The following CIP2A variants were observed in gnomAD, a reference collection of about 807,000 sequenced individuals.
CIP2A encodes cellular inhibitor of PP2A.
CIP2A carries 103 observed loss-of-function variants against 110.9 expected under a neutral mutation model. The ratio of observed to expected loss-of-function variants is 0.93; its 90% CI spans 0.79 to 1.09. The LOEUF (loss-of-function observed/expected upper bound fraction) is 1.09, where lower values mean the gene tolerates loss of function less well. Ranked by LOEUF, CIP2A falls within the 50% of genes least tolerant of loss-of-function variation. CIP2A has a pLI of 0.00. For synonymous variants in CIP2A, 381 were observed against 361.6 expected (o/e 1.05, Z -0.61); for missense variants, 1,088 against 1,038.4 (o/e 1.05, Z -0.66).
At chr3:108,563,843 A>T (rs1938091530) in intron 12 of CIP2A, among the ~76,000 whole-genome samples, 1 of 151,980 alleles carries the variant, frequency 6.6e-6, no homozygotes, top group Non-Finnish European at 1.5e-5. Flanking sequence ...CTGGTTGGGC[A>T]TCCCTAATCC....
rs780420756 is a variant in CIP2A, at chr3:108,553,773, T to C, written c.2325-43A>G. ...AATAGAAGAAAACATTAATGAACCATATACCATTTGTAACTTTTTCTCCCT... is the reference window on the plus strand; with the variant it reads ...AATAGAAGAAAACATTAATGAACCACATACCATTTGTAACTTTTTCTCCCT... On this transcript the variant is annotated intron_variant, in intron 18 of 20. Transcript: ENST00000295746. 4 of 1,486,550 alleles carry C rather than the reference T, an allele frequency of 2.7e-6. No individual in the cohort carries two copies. The South Asian group carries it at 4.8e-5, about 18-fold the overall frequency. The allele number at this position is 1,486,550 out of a possible 1,614,324, so 92.1% of individuals were successfully genotyped here.
intron 8 of CIP2A, among the ~76,000 whole-genome samples, chr3:108,575,296 AC>A (rs1559698594): frequency 6.6e-6 from 1 of 151,124 alleles, no homozygotes; most frequent in African/African-American, 2.4e-5. Flanking sequence ...ACGTACACAC[AC>A]GTGTACGTAC....
Position 108,579,565 on chromosome 3 carries a change from C to A in CIP2A, c.672+1G>T. 1 of 1,581,774 alleles carries A rather than the reference C, an allele frequency of 6.3e-7. No homozygotes were observed. Among genetic ancestry groups the A allele is most frequent in the Non-Finnish European group, 8.6e-7 (1 of 1,163,346 alleles). On this transcript the variant is annotated splice_donor_variant, in intron 6 of 20. Transcript: ENST00000295746. LOFTEE classifies it high-confidence loss of function. ...GAATAAATTTGAAAAATTGTATTTA[C>A]CTTTTCCCCCACCTCTTCATTTAAT...
At chr3:108,582,053 T>C (rs1419144593) in intron 4 of CIP2A, 55 bp downstream of exon 4, 2 of 828,358 alleles carry the variant, frequency 2.4e-6, no homozygotes, top group East Asian at 5.3e-5. Context: ...CACATGGTTG[T>C]AATTTAAAAA....
chr3:108,573,820 G>C lies in CIP2A; in HGVS notation c.894+2451C>G, dbSNP rs1938478099. 4.6e-5 allele frequency among the ~76,000 whole-genome samples: 7 copies of C among 152,216 alleles called. No homozygotes were observed. In the South Asian group the frequency reaches 1.5e-3, roughly 32 times the overall value. On this transcript the variant is annotated intron_variant, in intron 8 of 20. Transcript: ENST00000295746. ...TTTAGATCATTGTTGCAAATGATTA[G>C]TTCAAAGTCATTCTAATTTTTTTCT...
At chr3:108,555,070 T>A (rs1366487891) in intron 17 of CIP2A, among the ~76,000 whole-genome samples, 1 of 152,188 alleles carries the variant, frequency 6.6e-6, no homozygotes, top group African/African-American at 2.4e-5. Flanking sequence ...CAATCTGAGT[T>A]TGAGTGCCTT....
At chr3:108,584,972 T>G in intron 2 of CIP2A, 93 bp downstream of exon 2, 2 of 1,194,678 alleles carry the variant, frequency 1.7e-6, no homozygotes, top group Non-Finnish European at 2.3e-6. Context: ...TGAAGGTGAA[T>G]CATTCTTTAA....
At chr3:108,583,337 A>G (rs559415825) in intron 2 of CIP2A, among the ~76,000 whole-genome samples, 1 of 152,326 alleles carries the variant, frequency 6.6e-6, no homozygotes, top group East Asian at 1.9e-4. Flanking sequence ...TTTTAGTATC[A>G]AATTAAAATC....
chr3:108,557,135 A>G (rs1207381562), intron 17 of CIP2A, 83 bp downstream of exon 17: 3 of 843,856 alleles, frequency 3.6e-6, no homozygotes, highest in Non-Finnish European at 1.8e-6. Context: ...AATGCTTACA[A>G]AAGGATTTTC....
Position 108,551,121 on chromosome 3 carries a change from G to C in CIP2A, c.*28C>G. The C allele has an allele frequency of 2.0e-6, 2 of 1,021,248 alleles. No individual in the cohort carries two copies. Among genetic ancestry groups the C allele is most frequent in the South Asian group, 4.3e-5 (2 of 47,050 alleles). The allele number at this position is 1,021,248 out of a possible 1,614,324, so 63.3% of individuals were successfully genotyped here. ...GATAAATACATCAAAAATATCATGAGATTACAAATTCCAAAATGCCATAAT... is the reference window on the plus strand; with the variant it reads ...GATAAATACATCAAAAATATCATGACATTACAAATTCCAAAATGCCATAAT... On this transcript the variant is annotated 3_prime_UTR_variant, in exon 21 of 21. Transcript: ENST00000295746.
rs747599550 is a variant in CIP2A, at chr3:108,569,380, T to C, written c.1113+9A>G. 1 of 1,590,986 alleles carries C rather than the reference T, an allele frequency of 6.3e-7. No homozygotes were observed. Among genetic ancestry groups the C allele is most frequent in the Admixed American group, 1.7e-5 (1 of 59,688 alleles). On this transcript the variant is annotated intron_variant, in intron 9 of 20. Transcript: ENST00000295746. ...AGTAGAAAAGTCAATCTGTCAGTCA[T>C]CCTATTACCTCAAATATTTCCTTGA... is the stretch of plus-strand genomic sequence containing the variant.
intron 10 of CIP2A, 148 bp from the exon 11 acceptor site, chr3:108,566,786 ACT>A: frequency 1.9e-6 from 1 of 521,544 alleles, no homozygotes; most frequent in Non-Finnish European, 3.2e-6. Flanking sequence ...GGAAACTGAA[ACT>A]CACACAATTT....
Position 108,568,332 on chromosome 3 carries a change from AC to A in CIP2A, c.1114-19del. On this transcript the variant is annotated intron_variant, in intron 9 of 20. Coordinates refer to ENST00000295746, the MANE Select transcript of CIP2A (RefSeq NM_020890.3). Reference sequence around the variant, plus strand: ...ATGACATCCTGGAGAATTATCCATCACAAATGATTAAAAGCAAAGATGGAAT... The same window carrying A: ...ATGACATCCTGGAGAATTATCCATCAAAATGATTAAAAGCAAAGATGGAAT... The A allele has an allele frequency of 6.2e-7, 1 of 1,606,334 alleles. No individual in the cohort carries two copies. Among genetic ancestry groups the A allele is most frequent in the Non-Finnish European group, 8.5e-7 (1 of 1,175,070 alleles).
chr3:108,582,827 G>A, intron 3 of CIP2A, 150 bp downstream of exon 3: 1 of 422,698 alleles, frequency 2.4e-6, no homozygotes, highest in East Asian at 3.6e-5. Flanking sequence ...TTGTATGTGT[G>A]CAACCAGCTT....
In CIP2A at chr3:108,579,342, AC is replaced by A; in HGVS notation, c.756del (p.Lys252AsnfsTer7). 1 of 1,606,558 alleles carries A rather than the reference AC, an allele frequency of 6.2e-7. No individual in the cohort carries two copies. The highest frequency in any genetic ancestry group is 8.5e-7 in the Non-Finnish European group (1 of 1,173,410). On this transcript the variant is annotated frameshift_variant, in exon 7 of 21. Transcript: ENST00000295746. LOFTEE classifies it high-confidence loss of function. ...AGATCCATCAGTAGGTCAACTGAATACTTTCTAGTTAGAGTGCCATCACCGT... is the reference window on the plus strand; with the variant it reads ...AGATCCATCAGTAGGTCAACTGAATATTTCTAGTTAGAGTGCCATCACCGT... Reference protein sequence around the residue: ...LINGDGTLTRKYSVDLLMDLL... With the variant: ...LINGDGTLTRXYSVDLLMDLL...
At chr3:108,582,865 GT>G in intron 3 of CIP2A, 111 bp downstream of exon 3, 1 of 467,368 alleles carries the variant, frequency 2.1e-6, no homozygotes, top group Non-Finnish European at 3.8e-6. Flanking sequence ...GCCTAATCAT[GT>G]AGTATTTATT....
intron 13 of CIP2A, among the ~76,000 whole-genome samples, chr3:108,562,069 G>C (rs545699032): frequency 2.0e-5 from 3 of 152,022 alleles, no homozygotes; most frequent in South Asian, 2.1e-4. Context: ...TTTTGTTGTT[G>C]CTGTTAAAAA....
intron 16 of CIP2A, among the ~76,000 whole-genome samples, chr3:108,559,105 C>T (rs563740496): frequency 3.3e-5 from 5 of 152,140 alleles, no homozygotes; most frequent in South Asian, 2.1e-4. Flanking sequence ...AGACTAATTG[C>T]TCTGCTATGA....
At chr3:108,563,529 T>C (rs1431001104) in intron 12 of CIP2A, among the ~76,000 whole-genome samples, 2 of 152,048 alleles carry the variant, frequency 1.3e-5, no homozygotes, top group Admixed American at 6.6e-5. Flanking sequence ...TTTTCGTGGA[T>C]TAAAAAACCC....
Sources: allele counts gnomAD v4.1 joint callset (sites outside exome capture counted in the v4.1 genomes callset), GRCh38; gene constraint gnomAD v4.1.1; transcripts MANE v1.5; gene names NCBI Gene and HGNC (gene_info 2026-07-23, HGNC 2026-07-21).